Variants in STOX1 observed in about 807,000 individuals in gnomAD.
STOX1 encodes storkhead-box protein 1.
A neutral mutation model predicts 74.8 loss-of-function variants in STOX1; 57 were observed. That is an observed-to-expected ratio of 0.76 (90% CI 0.62 to 0.95). STOX1 has a LOEUF of 0.95. Among genes scored for constraint, STOX1 ranks in the 40% least tolerant of loss-of-function variants. The probability of loss-of-function intolerance (pLI) is 0.00; values close to 1 mark genes in which losing one functional copy is unlikely to be tolerated. For synonymous variants in STOX1, 375 were observed against 401.3 expected (o/e 0.93, Z 0.78); for missense variants, 1,010 against 1,117.0 (o/e 0.90, Z 1.37).
intron 1 of STOX1, among the ~76,000 whole-genome samples, chr10:68,840,956 T>A (rs1390441634): frequency 6.6e-6 from 1 of 151,882 alleles, no homozygotes; most frequent in African/African-American, 2.4e-5. Flanking sequence ...TTTTGCTTTT[T>A]TTTTTTTTGG....
rs550905507 is a variant in STOX1, at chr10:68,831,949, G to A, written c.310+4016G>A. Among the ~76,000 whole-genome samples, 7 of 149,938 alleles carry A rather than the reference G, an allele frequency of 4.7e-5. No individual in the cohort carries two copies. The South Asian group carries it at 1.3e-3, about 27-fold the overall frequency. ...CTTTTCTTTTTTTTTTTTTTAAGTG[G>A]AGACAGGGCCTTGCTCTGATTCCCA... On this transcript the variant is annotated intron_variant, in intron 1 of 3. Coordinates refer to ENST00000298596, the MANE Select transcript of STOX1 (RefSeq NM_152709.5).
Position 68,873,652 on chromosome 10 carries a change from TTTTTTTTTTTTTTC to T in STOX1, c.311-8297_311-8284del, listed in dbSNP as rs1270497864. Among the ~76,000 whole-genome samples the T allele has an allele frequency of 8.5e-3, 507 of 59,570 alleles. 4 individuals are homozygous for T. Among genetic ancestry groups the T allele is most frequent in the African/African-American group, 0.025 (450 of 17,754 alleles). 39.1% of individuals were successfully genotyped at this position (59,570 alleles called of 152,430 possible). On this transcript the variant is annotated intron_variant, in intron 1 of 3. Coordinates refer to ENST00000298596, the MANE Select transcript of STOX1 (RefSeq NM_152709.5). ...TTCTTCTTCTTCTTCTTTTTTTTTCTTTTTTTTTTTTTTCTTTTTTTTGAGACGGAGTCTCGCTT... is the reference window on the plus strand; with the variant it reads ...TTCTTCTTCTTCTTCTTTTTTTTTCTTTTTTTTTGAGACGGAGTCTCGCTT...
downstream of STOX1, among the ~76,000 whole-genome samples, chr10:68,894,754 G>A (rs374257178): frequency 5.9e-5 from 9 of 152,220 alleles, no homozygotes; most frequent in South Asian, 1.4e-3. Flanking sequence ...TTTTGAGACG[G>A]GGTCTCTGTC....
chr10:68,893,366 T>C (rs2132010477), downstream of STOX1, among the ~76,000 whole-genome samples: 1 of 152,320 alleles, frequency 6.6e-6, no homozygotes, highest in Middle Eastern at 3.4e-3. Flanking sequence ...ATGTCGAAAA[T>C]TCCTGTGGCA....
chr10:68,849,122 A>G (rs1839921202), intron 1 of STOX1, among the ~76,000 whole-genome samples: 1 of 152,162 alleles, frequency 6.6e-6, no homozygotes, highest in Non-Finnish European at 1.5e-5. Flanking sequence ...AAAAATCACC[A>G]TGGTATTAAC....
chr10:68,845,611 A>AT (rs1018109365), intron 1 of STOX1, among the ~76,000 whole-genome samples: 7 of 137,704 alleles, frequency 5.1e-5, no homozygotes, highest in African/African-American at 1.6e-4. Context: ...TTTTATTTTT[A>AT]TTTTTTTTGG....
intron 1 of STOX1, among the ~76,000 whole-genome samples, chr10:68,843,208 T>C (rs1839739955): frequency 6.6e-6 from 1 of 152,080 alleles, no homozygotes; most frequent in Admixed American, 6.6e-5. Flanking sequence ...CAGCTACTTT[T>C]TTTTGTAGTG....
At chr10:68,830,350 A>AT (rs1446999797) in intron 1 of STOX1, among the ~76,000 whole-genome samples, 5 of 151,690 alleles carry the variant, frequency 3.3e-5, no homozygotes, top group Non-Finnish European at 1.5e-5. Context: ...ATTTAATTTA[A>AT]TTTTTTTTGT....
At chr10:68,848,930 A>G (rs1839916471) in intron 1 of STOX1, among the ~76,000 whole-genome samples, 2 of 152,128 alleles carry the variant, frequency 1.3e-5, no homozygotes, top group African/African-American at 4.8e-5. Context: ...TTGGGCTCCC[A>G]AAGTGCTGGA....
intron 1 of STOX1, among the ~76,000 whole-genome samples, chr10:68,868,438 G>A (rs1384848847): frequency 6.6e-6 from 1 of 152,222 alleles, no homozygotes; most frequent in Non-Finnish European, 1.5e-5. Flanking sequence ...AACACCTTGA[G>A]CGGTTTTCCA....
At chr10:68,860,569 CAAAAAAAAA>C (rs11353333) in intron 1 of STOX1, among the ~76,000 whole-genome samples, 1 of 63,588 alleles carries the variant, frequency 1.6e-5, no homozygotes, top group Non-Finnish European at 2.8e-5. Flanking sequence ...GACTCTGTCT[CAAAAAAAAA>C]AAAAAAAAAA....
intron 2 of STOX1, among the ~76,000 whole-genome samples, chr10:68,882,719 G>T (rs568404835): frequency 6.6e-6 from 1 of 152,128 alleles, no homozygotes; most frequent in East Asian, 1.9e-4. Flanking sequence ...GGCTGGTCTC[G>T]AACTCCTGAC....
intron 1 of STOX1, among the ~76,000 whole-genome samples, chr10:68,830,887 C>T (rs17554646): frequency 0.028 from 4,245 of 152,248 alleles, 79 homozygotes; most frequent in Admixed American, 0.051. Flanking sequence ...TTGCTGATTT[C>T]TGGTCTAACT....
chr10:68,830,438 G>C (rs1403042012), intron 1 of STOX1, among the ~76,000 whole-genome samples: 1 of 152,110 alleles, frequency 6.6e-6, no homozygotes, highest in Admixed American at 6.5e-5. Context: ...CACCTCCTGG[G>C]TTCAAGTGCT....
chr10:68,844,277 TGC>T (rs1839774835), intron 1 of STOX1, among the ~76,000 whole-genome samples: 1 of 150,536 alleles, frequency 6.6e-6, no homozygotes. Context: ...TGTGCTTGTT[TGC>T]TATGTCTGGA....
chr10:68,859,734 A>G (rs1840213532), intron 1 of STOX1, among the ~76,000 whole-genome samples: 1 of 152,040 alleles, frequency 6.6e-6, no homozygotes, highest in South Asian at 2.1e-4. Flanking sequence ...TGACTTGAAC[A>G]AATGAGGGAC....
chr10:68,841,312 G>T (rs1433484264), intron 1 of STOX1, among the ~76,000 whole-genome samples: 1 of 152,060 alleles, frequency 6.6e-6, no homozygotes, highest in Non-Finnish European at 1.5e-5. Context: ...CACTTGGTGG[G>T]TTGCTCCTGT....
At position 68,884,486 on chromosome 10, in the gene STOX1, A is replaced by G. The variant is rs1840887754; in HGVS notation, c.690A>G (p.Ser230=). The G allele has an allele frequency of 6.2e-7, 1 of 1,613,724 alleles. No individual in the cohort carries two copies. Among genetic ancestry groups the G allele is most frequent in the Non-Finnish European group, 8.5e-7 (1 of 1,180,024 alleles). Residue 230 remains serine, a synonymous_variant, in exon 3 of 4, where the codon TCA becomes TCG. Transcript: ENST00000298596. ...TGAGCATGGAGAGCTGTGCAGAGTC[A>G]GCCCAAGAGAATGCTGCCCCCATAT... ...YLVSMESCAE[S]AQENAAPISH... is the part of the protein sequence containing the mutation.
At chr10:68,878,883 C>G (rs758063442) in intron 1 of STOX1, among the ~76,000 whole-genome samples, 2 of 152,172 alleles carry the variant, frequency 1.3e-5, no homozygotes, top group African/African-American at 4.8e-5. Flanking sequence ...TACTTGACTC[C>G]CCATTCAGCC....
Sources: allele counts gnomAD v4.1 joint callset (sites outside exome capture counted in the v4.1 genomes callset), GRCh38; gene constraint gnomAD v4.1.1; transcripts MANE v1.5; gene names NCBI Gene and HGNC (gene_info 2026-07-23, HGNC 2026-07-21).